DLG2: variants seen among roughly 807,000 people sequenced by gnomAD.
DLG2 encodes the protein discs large MAGUK scaffold protein 2.
In DLG2, 45 loss-of-function variants were observed where a neutral mutation model predicts 132.5. The ratio of observed to expected loss-of-function variants is 0.34; its 90% CI spans 0.27 to 0.44. The LOEUF (loss-of-function observed/expected upper bound fraction) is 0.44, where lower values mean the gene tolerates loss of function less well. DLG2 is among the 20% of genes least tolerant of loss of function. The pLI is 1.00. For synonymous variants in DLG2, 424 were observed against 419.6 expected, an observed-to-expected ratio of 1.01 and a Z score of -0.13; for missense variants, 1,045 against 1,196.9, an observed-to-expected ratio of 0.87 and a Z score of 1.87.
At chr11:84,017,262 A>C (rs1029576678) in intron 11 of DLG2, among the ~76,000 whole-genome samples, 1 of 152,082 alleles carries the variant, frequency 6.6e-6, no homozygotes, top group Non-Finnish European at 1.5e-5. Flanking sequence ...AATGCATTAC[A>C]TAATAAAGTA....
At chr11:83,677,763 A>C (rs1312476382) in intron 18 of DLG2, among the ~76,000 whole-genome samples, 1 of 152,238 alleles carries the variant, frequency 6.6e-6, no homozygotes, top group Non-Finnish European at 1.5e-5. Flanking sequence ...CTGGCTGTTA[A>C]TTCTCCTTAG....
intron 6 of DLG2, among the ~76,000 whole-genome samples, chr11:84,606,863 G>C (rs546355493): frequency 6.6e-6 from 1 of 152,222 alleles, no homozygotes; most frequent in Admixed American, 6.6e-5. Context: ...CCCAAGACCA[G>C]TTCAATCCCT....
chr11:85,488,172 C>T (rs377643104), intron 3 of DLG2, among the ~76,000 whole-genome samples: 2 of 152,138 alleles, frequency 1.3e-5, no homozygotes, highest in East Asian at 3.9e-4. Flanking sequence ...GGGCGGATCA[C>T]GAGGTCAGGA....
intron 7 of DLG2, 128 bp from the exon 8 acceptor site, chr11:84,251,419 G>T: frequency 1.7e-6 from 1 of 591,572 alleles, no homozygotes; most frequent in Non-Finnish European, 2.9e-6. Context: ...ACCGTGTCAA[G>T]TGTTAGTAGG....
intron 6 of DLG2, among the ~76,000 whole-genome samples, chr11:84,569,144 C>T (rs889878366): frequency 1.3e-5 from 2 of 152,168 alleles, no homozygotes; most frequent in African/African-American, 4.8e-5. Flanking sequence ...AGAGCAAAGG[C>T]AGCCACCCAG....
chr11:83,592,297 A>G (rs1179181871), intron 19 of DLG2, among the ~76,000 whole-genome samples: 2 of 150,226 alleles, frequency 1.3e-5, no homozygotes, highest in African/African-American at 4.9e-5. Context: ...AAACAGAGAT[A>G]TAGATCAATG....
At chr11:84,045,560 C>T (rs116134388) in intron 11 of DLG2, among the ~76,000 whole-genome samples, 2,751 of 151,776 alleles carry the variant, frequency 0.018, 80 homozygotes, top group South Asian at 0.064. Flanking sequence ...AAAAACAAAG[C>T]TAACACAATT....
chr11:84,383,424 G>C (rs1462143046), intron 7 of DLG2, among the ~76,000 whole-genome samples: 1 of 152,026 alleles, frequency 6.6e-6, no homozygotes, highest in Non-Finnish European at 1.5e-5. Context: ...ATATAATATA[G>C]CAAAGGTGAT....
chr11:84,561,538 G>A (rs1375539970), intron 6 of DLG2, among the ~76,000 whole-genome samples: 2 of 152,098 alleles, frequency 1.3e-5, no homozygotes, highest in Non-Finnish European at 2.9e-5. Context: ...CCACCAGACA[G>A]TCATCTTCTT....
intron 18 of DLG2, among the ~76,000 whole-genome samples, chr11:83,745,716 T>C (rs1202280185): frequency 6.6e-6 from 1 of 151,940 alleles, no homozygotes; most frequent in East Asian, 1.9e-4. Context: ...ATAGGAGAAC[T>C]GCTTGAACCC....
In DLG2 at chr11:85,118,561, G is replaced by T. The variant is rs562038035; in HGVS notation, c.283-6826C>A. ...CCATTGTTGTGACTTGATATTTCAG[G>T]GTATCAATGGGGAGAGGACAGCGGG... On this transcript the variant is annotated intron_variant, in intron 5 of 27. Coordinates refer to ENST00000376104, the MANE Select transcript of DLG2 (RefSeq NM_001142699.3). Among the ~76,000 whole-genome samples the T allele has an allele frequency of 1.4e-4, 22 of 152,068 alleles. No homozygotes were observed. In the East Asian group the frequency reaches 3.5e-3, roughly 24 times the overall value.
At chr11:83,971,714 A>G (rs569125198) in intron 12 of DLG2, among the ~76,000 whole-genome samples, 2 of 152,164 alleles carry the variant, frequency 1.3e-5, no homozygotes, top group Non-Finnish European at 2.9e-5. Context: ...TAAACAGGAA[A>G]CAAAGTGGCT....
At chr11:85,057,239 T>C (rs2063548763) in intron 6 of DLG2, among the ~76,000 whole-genome samples, 1 of 151,564 alleles carries the variant, frequency 6.6e-6, no homozygotes, top group Admixed American at 6.6e-5. Context: ...ACAAATAATA[T>C]ATAAATGTAA....
chr11:84,482,335 CT>C (rs1368183160), intron 7 of DLG2, among the ~76,000 whole-genome samples: 9 of 152,264 alleles, frequency 5.9e-5, no homozygotes, highest in African/African-American at 2.2e-4. Context: ...CCAAGAATGT[CT>C]TGGTATTCTC....
At chr11:85,423,312 G>A (rs528195596) in intron 3 of DLG2, among the ~76,000 whole-genome samples, 16 of 152,286 alleles carry the variant, frequency 1.1e-4, no homozygotes, top group African/African-American at 3.1e-4. Flanking sequence ...GTGGATACCA[G>A]CACCTTTTCC....
At chr11:85,429,050 C>A (rs1197255329) in intron 3 of DLG2, among the ~76,000 whole-genome samples, 1 of 152,170 alleles carries the variant, frequency 6.6e-6, no homozygotes, top group Non-Finnish European at 1.5e-5. Flanking sequence ...AATTCCTCAA[C>A]ACATACACCC....
At chr11:85,223,366 G>T (rs1272446733) in intron 4 of DLG2, among the ~76,000 whole-genome samples, 2 of 152,098 alleles carry the variant, frequency 1.3e-5, no homozygotes, top group Non-Finnish European at 2.9e-5. Flanking sequence ...GAGCATGGTG[G>T]CTTACACCTG....
At chr11:84,984,717 T>A (rs1296582681) in intron 6 of DLG2, among the ~76,000 whole-genome samples, 1 of 152,038 alleles carries the variant, frequency 6.6e-6, no homozygotes, top group East Asian at 1.9e-4. Flanking sequence ...TGGATAAGAA[T>A]TCATTCTCTG....
chr11:84,807,879 T>C (rs542685439), intron 6 of DLG2, among the ~76,000 whole-genome samples: 3 of 152,200 alleles, frequency 2.0e-5, no homozygotes, highest in South Asian at 2.1e-4. Context: ...AAAGGACAAA[T>C]AGACAAACAC....
Sources: gnomAD v4.1 joint callset for allele counts (sites outside exome capture counted in the v4.1 genomes callset) on GRCh38, gnomAD v4.1.1 for gene constraint, MANE v1.5 for transcripts, NCBI Gene and HGNC (gene_info 2026-07-23, HGNC 2026-07-21) for gene names.